Variants in SMAP2 observed in about 807,000 individuals in gnomAD.
SMAP2 encodes small ArfGAP2, also known as stromal membrane-associated protein 2.
A neutral mutation model predicts 56.4 loss-of-function variants in SMAP2; 25 were observed. The ratio of observed to expected loss-of-function variants is 0.44; its 90% CI spans 0.32 to 0.62. The LOEUF (loss-of-function observed/expected upper bound fraction) is 0.62. SMAP2 is among the 20% of genes least tolerant of loss of function. The pLI, the probability that SMAP2 is intolerant of heterozygous loss-of-function variation, is 0.04. For synonymous variants in SMAP2, 157 were observed against 181.7 expected (o/e 0.86, Z 1.09); for missense variants, 388 against 545.6 (o/e 0.71, Z 2.88).
intron 1 of SMAP2, among the ~76,000 whole-genome samples, chr1:40,361,383 G>T (rs1418898138): frequency 6.6e-6 from 1 of 152,170 alleles, no homozygotes; most frequent in Non-Finnish European, 1.5e-5. Flanking sequence ...GAGACTCAGA[G>T]ATGTGCTGGC....
intron 2 of SMAP2, among the ~76,000 whole-genome samples, chr1:40,364,178 C>T (rs936392880): frequency 3.3e-5 from 5 of 152,160 alleles, no homozygotes. Flanking sequence ...CAAAAATGTT[C>T]ACCATACCTC....
At chr1:40,402,811 A>G (rs1644848911) in intron 1 of SMAP2, among the ~76,000 whole-genome samples, 1 of 152,148 alleles carries the variant, frequency 6.6e-6, no homozygotes, top group African/African-American at 2.4e-5. Flanking sequence ...CATGGATGGA[A>G]TTGGAGGTCA....
intron 1 of SMAP2, among the ~76,000 whole-genome samples, chr1:40,349,466 T>C (rs1644401416): frequency 6.6e-6 from 1 of 152,196 alleles, no homozygotes; most frequent in Admixed American, 6.5e-5. Flanking sequence ...AGCTTTTTAT[T>C]ATTTTGAATC....
rs184277975 is a variant in SMAP2 at position 40,385,421 on chromosome 1, T to A, written c.103+11198T>A. ...TAAGCTTACTTGGAAAATACTTTTT[T>A]AAAAAAAACATTTCAGGTCAAAGCT... On this transcript the variant is annotated intron_variant, in intron 1 of 9. Transcript: ENST00000372718. This position sits in a 1 kb window ranked among gnomAD's most constrained non-coding sequence, Gnocchi z 4.5. Among the ~76,000 whole-genome samples, 334 of 152,048 alleles carry A rather than the reference T, an allele frequency of 2.2e-3. 8 individuals carry two copies. Among genetic ancestry groups the A allele is most frequent in the Admixed American group, 0.015 (223 of 15,248 alleles).
Position 40,422,760 on chromosome 1 carries a change from T to C in SMAP2, c.*659T>C, listed in dbSNP as rs970924548. 2 of 152,592 alleles carry C rather than the reference T, an allele frequency of 1.3e-5. No individual in the cohort carries two copies. Among genetic ancestry groups the C allele is most frequent in the Non-Finnish European group, 2.9e-5 (2 of 68,420 alleles). 9.5% of individuals were successfully genotyped at this position (152,592 alleles called of 1,614,324 possible). ...CAGCCTTTATTAGCACCAAAGACTT[T>C]ATGAAGATCCCACACACAGACACAC... is the stretch of plus-strand genomic sequence containing the variant. On this transcript the variant is annotated 3_prime_UTR_variant, in exon 10 of 10. Coordinates refer to ENST00000372718, the MANE Select transcript of SMAP2 (RefSeq NM_022733.3).
At chr1:40,400,985 C>G (rs938527491) in intron 1 of SMAP2, among the ~76,000 whole-genome samples, 1 of 152,122 alleles carries the variant, frequency 6.6e-6, no homozygotes, top group South Asian at 2.1e-4. Flanking sequence ...GCTGGTTGGG[C>G]GCGGTGGCTC....
chr1:40,418,084 A>C (rs1645007273), intron 9 of SMAP2, among the ~76,000 whole-genome samples: 1 of 152,232 alleles, frequency 6.6e-6, no homozygotes, highest in African/African-American at 2.4e-5. Flanking sequence ...ATTGTTACAC[A>C]ATCTACCAAT....
At chr1:40,400,906 A>G (rs1644827018) in intron 1 of SMAP2, among the ~76,000 whole-genome samples, 1 of 152,150 alleles carries the variant, frequency 6.6e-6, no homozygotes, top group African/African-American at 2.4e-5. Flanking sequence ...CTGCCTTTGT[A>G]TCCCCAGTAC....
rs1557832266 is a variant in SMAP2, at chr1:40,385,709, A to T, written c.103+11486A>T. ...CTGTCTTTTGCAGCAGTTGCTGGTG[A>T]CGGAATACCATAAATCCCCAGGCCT... On this transcript the variant is annotated intron_variant, in intron 1 of 9. Transcript: ENST00000372718. The surrounding 1 kb of genome is among the most constrained non-coding windows in gnomAD (Gnocchi z 4.5). 6.6e-6 allele frequency among the ~76,000 whole-genome samples: 1 copy of T among 152,234 alleles called. No individual in the cohort carries two copies. The highest frequency in any genetic ancestry group is 1.5e-5 in the Non-Finnish European group (1 of 68,038).
At position 40,409,814 on chromosome 1, in the gene SMAP2, T is replaced by C; in HGVS notation, c.381T>C (p.Ser127=). The change falls in exon 4 of 10, where the codon AGT becomes AGC. Residue 127 remains serine, a synonymous_variant. Coordinates refer to ENST00000372718, the MANE Select transcript of SMAP2 (RefSeq NM_022733.3). Reference sequence around the variant, plus strand: ...AGAAGAAGAAATACATGGACCGAAGTCTGGACATCAATGCCTTTAGGGTTG... The same window carrying C: ...AGAAGAAGAAATACATGGACCGAAGCCTGGACATCAATGCCTTTAGGGTTG... The part of the protein sequence containing the change: ...KYEKKKYMDR[S]LDINAFRKEK... The C allele has an allele frequency of 6.2e-7, 1 of 1,612,232 alleles. No individual in the cohort carries two copies. The highest frequency in any genetic ancestry group is 1.7e-5 in the Admixed American group (1 of 60,022).
At chr1:40,371,189 A>T (rs997430123), upstream of SMAP2, among the ~76,000 whole-genome samples, 1 of 152,160 alleles carries the variant, frequency 6.6e-6, no homozygotes, top group African/African-American at 2.4e-5. Flanking sequence ...AAAATTTTAT[A>T]ACTAATGTGG....
At chr1:40,405,836 A>T (rs970248326) in intron 1 of SMAP2, among the ~76,000 whole-genome samples, 2 of 152,116 alleles carry the variant, frequency 1.3e-5, no homozygotes, top group African/African-American at 4.8e-5. Flanking sequence ...CTGGCAGGGG[A>T]TGGGAGATTC....
At chr1:40,396,916 A>AG in intron 1 of SMAP2, 2 of 895,632 alleles carry the variant, frequency 2.2e-6, no homozygotes, top group Middle Eastern at 5.8e-4. Flanking sequence ...TTTGTTCTTA[A>AG]AACAAATACT....
intron 5 of SMAP2, among the ~76,000 whole-genome samples, chr1:40,413,688 G>A (rs902112032): frequency 6.6e-6 from 1 of 152,176 alleles, no homozygotes; most frequent in African/African-American, 2.4e-5. Context: ...GAATCACATT[G>A]TCTGTGGACA....
chr1:40,347,226 GTT>G (rs879746113), intron 1 of SMAP2, among the ~76,000 whole-genome samples: 1 of 131,020 alleles, frequency 7.6e-6, no homozygotes, highest in Non-Finnish European at 1.6e-5. Context: ...GTGTGTGTGT[GTT>G]TGTGTGTGTG....
Position 40,347,022 on chromosome 1 carries a change from C to CTATTTATTTATTTATT in SMAP2, c.-83+2134_-83+2149dup, listed in dbSNP as rs66542909. On this transcript the variant is annotated intron_variant, in intron 1 of 6. Coordinates refer to the SMAP2 transcript ENST00000435168. Reference sequence around the variant, plus strand: ...GAGCCACTTGGCCTGGCTTAAAAATCTATTTATTTATTTATTTATTTATTT... The same window carrying CTATTTATTTATTTATT: ...GAGCCACTTGGCCTGGCTTAAAAATCTATTTATTTATTTATTTATTTATTTATTTATTTATTTATTT... Among the ~76,000 whole-genome samples, 351 of 143,446 alleles carry CTATTTATTTATTTATT rather than the reference C, an allele frequency of 2.4e-3. 3 individuals carry two copies. Among genetic ancestry groups the CTATTTATTTATTTATT allele is most frequent in the African/African-American group, 8.8e-3 (336 of 38,382 alleles). The allele number at this position is 143,446 out of a possible 152,430, so 94.1% of individuals were successfully genotyped here.
chr1:40,383,236 G>A (rs1310044139), intron 1 of SMAP2, among the ~76,000 whole-genome samples: 1 of 152,228 alleles, frequency 6.6e-6, no homozygotes, highest in African/African-American at 2.4e-5. Context: ...GGTCTGGTGT[G>A]AGCGGAAGCA....
intron 1 of SMAP2, among the ~76,000 whole-genome samples, chr1:40,356,003 G>A (rs1644433772): frequency 6.6e-6 from 1 of 151,810 alleles, no homozygotes; most frequent in Admixed American, 6.6e-5. Flanking sequence ...CCCTGTCTCT[G>A]GTAACCATTA....
intron 2 of SMAP2, among the ~76,000 whole-genome samples, chr1:40,363,791 G>C (rs2124180593): frequency 6.6e-6 from 1 of 152,286 alleles, no homozygotes; most frequent in African/African-American, 2.4e-5. Flanking sequence ...GTGCTTGGGG[G>C]AAGGAGAGTG....
Sources: allele counts gnomAD v4.1 joint callset (sites outside exome capture counted in the v4.1 genomes callset), GRCh38; gene constraint gnomAD v4.1.1; non-coding constraint Gnocchi (gnomAD v3.1); transcripts MANE v1.5; gene names NCBI Gene and HGNC (gene_info 2026-07-23, HGNC 2026-07-21).